Variants in ADK observed in about 807,000 individuals in gnomAD.
The protein encoded by ADK is adenosine kinase, also known as N6,N6-dimethyladenosine kinase.
Under a neutral mutation model 44.7 loss-of-function variants are expected in ADK, and 24 were observed. The ratio of observed to expected loss-of-function variants is 0.54; its 90% confidence interval spans 0.39 to 0.76. The LOEUF is 0.76. Ranked by LOEUF, ADK falls within the 30% of genes least tolerant of loss-of-function variation. The pLI is 0.00. For missense variants in ADK, 321 were observed against 425.1 expected (o/e 0.76, Z 2.15); for synonymous variants, 128 against 142.6 (o/e 0.90, Z 0.73).
chr10:74,350,112 C>T (rs2131901269), intron 4 of ADK, among the ~76,000 whole-genome samples: 1 of 152,296 alleles, frequency 6.6e-6, no homozygotes, highest in African/African-American at 2.4e-5. Flanking sequence ...ACAGAATATA[C>T]ATTCTTCTCA....
chr10:74,488,950 A>G (rs2133384684), intron 6 of ADK, among the ~76,000 whole-genome samples: 1 of 152,062 alleles, frequency 6.6e-6, no homozygotes, highest in East Asian at 1.9e-4. Context: ...ATTCAACAGG[A>G]TAATAATAAT....
At chr10:74,267,587 C>G (rs769348340) in intron 3 of ADK, among the ~76,000 whole-genome samples, 1 of 152,002 alleles carries the variant, frequency 6.6e-6, no homozygotes, top group Non-Finnish European at 1.5e-5. Context: ...CTAACTCATA[C>G]TGGCTTAAGT....
chr10:74,467,752 A>G (rs1016862158), intron 6 of ADK, among the ~76,000 whole-genome samples: 4 of 152,114 alleles, frequency 2.6e-5, no homozygotes, highest in African/African-American at 9.6e-5. Context: ...ATTAATTTTC[A>G]TTTAAATCTC....
intron 7 of ADK, among the ~76,000 whole-genome samples, chr10:74,566,280 C>G (rs1370031316): frequency 6.9e-6 from 1 of 144,782 alleles, no homozygotes; most frequent in Non-Finnish European, 1.5e-5. Context: ...GATCACAGCT[C>G]ACTGCAGCCT....
rs151051700 is a variant in ADK, at chr10:74,656,861, T to C, written c.878-13322T>C. ...AGAGCGTTCTGTGTTTTGTGGTGTT[T>C]GTTTTGTTTTGTTTTAGAGACAGGG... On this transcript the variant is annotated intron_variant, in intron 9 of 10. Coordinates refer to ENST00000539909, the MANE Select transcript of ADK (RefSeq NM_006721.4). Among the ~76,000 whole-genome samples, 999 of 152,290 alleles carry C rather than the reference T, an allele frequency of 6.6e-3. 4 individuals are homozygous for C. The highest frequency in any genetic ancestry group is 0.027 in the Middle Eastern group (8 of 294).
intron 1 of ADK, among the ~76,000 whole-genome samples, chr10:74,178,362 A>G (rs959783012): frequency 1.3e-5 from 2 of 152,264 alleles, no homozygotes; most frequent in African/African-American, 4.8e-5. Context: ...ATATTGGGGC[A>G]TATAAATCTA....
intron 4 of ADK, among the ~76,000 whole-genome samples, chr10:74,356,881 T>G (rs1842164298): frequency 1.3e-5 from 2 of 152,124 alleles, no homozygotes; most frequent in Admixed American, 6.5e-5. Flanking sequence ...ACAGTAAAAC[T>G]ACTGACATGT....
intron 3 of ADK, among the ~76,000 whole-genome samples, chr10:74,297,971 A>C (rs1480964130): frequency 6.6e-6 from 1 of 152,192 alleles, no homozygotes. Flanking sequence ...TTGCTGTGCT[A>C]TAACACTGTA....
At chr10:74,405,863 AT>A (rs559561199) in intron 6 of ADK, among the ~76,000 whole-genome samples, 4 of 150,796 alleles carry the variant, frequency 2.7e-5, no homozygotes, top group Admixed American at 1.3e-4. Flanking sequence ...TGTTCCTTCT[AT>A]TTTTTTTTCC....
At chr10:74,692,028 A>G (rs1041877109) in intron 10 of ADK, among the ~76,000 whole-genome samples, 1 of 152,202 alleles carries the variant, frequency 6.6e-6, no homozygotes, top group African/African-American at 2.4e-5. Context: ...CGTTGCCCAA[A>G]TGATTTAAAA....
At chr10:74,396,281 C>G (rs1422651714) in intron 5 of ADK, among the ~76,000 whole-genome samples, 2 of 152,092 alleles carry the variant, frequency 1.3e-5, no homozygotes, top group African/African-American at 4.8e-5. Context: ...ACCTTGTAAT[C>G]CTAACACTTT....
At chr10:74,430,373 A>C (rs984348813) in intron 6 of ADK, among the ~76,000 whole-genome samples, 1 of 152,094 alleles carries the variant, frequency 6.6e-6, no homozygotes, top group African/African-American at 2.4e-5. Context: ...CCCTCTGTTC[A>C]CCTATTGAAA....
intron 9 of ADK, among the ~76,000 whole-genome samples, chr10:74,663,762 G>C (rs1374451035): frequency 6.6e-6 from 1 of 152,060 alleles, no homozygotes; most frequent in Non-Finnish European, 1.5e-5. Context: ...TTAACTCAGA[G>C]CTCTTTATGC....
chr10:74,452,959 T>C (rs941797243), intron 6 of ADK, among the ~76,000 whole-genome samples: 2 of 152,066 alleles, frequency 1.3e-5, no homozygotes, highest in African/African-American at 2.4e-5. Flanking sequence ...CTCCACACTT[T>C]ATAGATTTGT....
intron 7 of ADK, among the ~76,000 whole-genome samples, chr10:74,549,625 TG>T (rs1849959426): frequency 6.6e-6 from 1 of 152,032 alleles, no homozygotes; most frequent in African/African-American, 2.4e-5. Flanking sequence ...TGTGTAGAGA[TG>T]GGGTTTTGCC....
At chr10:74,391,164 G>A (rs1843315659) in intron 4 of ADK, among the ~76,000 whole-genome samples, 1 of 152,006 alleles carries the variant, frequency 6.6e-6, no homozygotes, top group East Asian at 1.9e-4. Flanking sequence ...CATTAAGACT[G>A]TATTGTCATA....
At chr10:74,470,471 G>C (rs1231884638) in intron 6 of ADK, among the ~76,000 whole-genome samples, 1 of 151,838 alleles carries the variant, frequency 6.6e-6, no homozygotes, top group Non-Finnish European at 1.5e-5. Context: ...TTCCAGAAGT[G>C]AGATTGCTGG....
At chr10:74,333,341 G>C (rs1325110232) in intron 4 of ADK, among the ~76,000 whole-genome samples, 1 of 152,128 alleles carries the variant, frequency 6.6e-6, no homozygotes, top group African/African-American at 2.4e-5. Context: ...ACTTTATTTA[G>C]AGAACTAGTG....
chr10:74,315,166 A>G (rs1452380533), intron 4 of ADK, among the ~76,000 whole-genome samples: 1 of 152,082 alleles, frequency 6.6e-6, no homozygotes, highest in Non-Finnish European at 1.5e-5. Context: ...TTTTTAACGT[A>G]ATTAAACTTT....
Sources: gnomAD v4.1 joint callset for allele counts (sites outside exome capture counted in the v4.1 genomes callset) on GRCh38, gnomAD v4.1.1 for gene constraint, MANE v1.5 for transcripts, NCBI Gene and HGNC (gene_info 2026-07-23, HGNC 2026-07-21) for gene names.